KHDRBS2: variants seen among roughly 807,000 people sequenced by gnomAD.
KHDRBS2 encodes KH domain-containing, RNA-binding, signal transduction-associated protein 2.
KHDRBS2 carries 26 observed loss-of-function variants against 44.3 expected under a neutral mutation model. The observed-to-expected ratio is 0.59, with a 90% CI of 0.43 to 0.81. KHDRBS2 has a LOEUF of 0.81. KHDRBS2 is among the 40% of genes least tolerant of loss of function. KHDRBS2 has a pLI of 0.00. For synonymous variants in KHDRBS2, 194 were observed against 151.1 expected (o/e 1.28, Z -2.08); for missense variants, 476 against 433.1 (o/e 1.10, Z -0.88).
the KHDRBS2 span, among the ~76,000 whole-genome samples, chr6:61,669,937 T>C: frequency 6.6e-6 from 1 of 150,892 alleles, no homozygotes; most frequent in Admixed American, 6.6e-5. Context: ...TTCTGAAAAT[T>C]GAAATTGCAT....
chr6:62,169,203 A>ACATATG (rs1819475350), intron 2 of KHDRBS2, among the ~76,000 whole-genome samples: 1 of 109,176 alleles, frequency 9.2e-6, no homozygotes, highest in African/African-American at 4.0e-5. Context: ...ACATATATGT[A>ACATATG]TATATATGTA....
At chr6:61,647,437 T>C in the KHDRBS2 span, among the ~76,000 whole-genome samples, 1 of 152,162 alleles carries the variant, frequency 6.6e-6, no homozygotes. Context: ...TAATTATCTA[T>C]AATTGTAGAT....
Position 61,890,666 on chromosome 6 carries a change from A to C in KHDRBS2, c.810+3969T>G, listed in dbSNP as rs528079649. 2.6e-5 allele frequency among the ~76,000 whole-genome samples: 4 copies of C among 152,338 alleles called. No individual in the cohort carries two copies. In the South Asian group the frequency reaches 8.3e-4, roughly 32 times the overall value. ...AGATTGTTGAGCTACACAGTTCCCCAAAGATAAAAAGTGATCCTACCACCC... is the reference window on the plus strand; with the variant it reads ...AGATTGTTGAGCTACACAGTTCCCCCAAGATAAAAAGTGATCCTACCACCC... On this transcript the variant is annotated intron_variant, in intron 6 of 8. Transcript: ENST00000281156.
chr6:61,562,921 G>T, the KHDRBS2 span, among the ~76,000 whole-genome samples: 1 of 152,062 alleles, frequency 6.6e-6, no homozygotes, highest in Admixed American at 6.6e-5. Context: ...TATATAATGC[G>T]TTATATCTGT....
At chr6:61,821,358 A>G (rs368925905) in intron 6 of KHDRBS2, among the ~76,000 whole-genome samples, 2 of 151,982 alleles carry the variant, frequency 1.3e-5, no homozygotes, top group South Asian at 2.1e-4. Context: ...TAATTTTTAT[A>G]TTTGCTAAAA....
At chr6:61,848,017 G>T (rs1344287951) in intron 6 of KHDRBS2, among the ~76,000 whole-genome samples, 4 of 151,732 alleles carry the variant, frequency 2.6e-5, no homozygotes, top group Non-Finnish European at 4.4e-5. Flanking sequence ...CTTCTACTTG[G>T]GTTACTGACT....
At chr6:62,056,633 A>C (rs1208715333) in intron 2 of KHDRBS2, among the ~76,000 whole-genome samples, 2 of 151,992 alleles carry the variant, frequency 1.3e-5, no homozygotes, top group Non-Finnish European at 2.9e-5. Context: ...AACTTTTAAA[A>C]ATTAAGAACA....
At chr6:61,593,354 T>G in the KHDRBS2 span, among the ~76,000 whole-genome samples, 1 of 152,032 alleles carries the variant, frequency 6.6e-6, no homozygotes, top group Non-Finnish European at 1.5e-5. Context: ...ATCTGGAGAG[T>G]CACAGCCAGA....
chr6:61,678,144 G>T (rs1357868524), downstream of KHDRBS2, among the ~76,000 whole-genome samples: 1 of 151,834 alleles, frequency 6.6e-6, no homozygotes. Context: ...AGTAAAAACA[G>T]AACTAGACAC....
intron 4 of KHDRBS2, among the ~76,000 whole-genome samples, chr6:61,909,311 C>A (rs773829327): frequency 2.6e-5 from 4 of 152,038 alleles, no homozygotes; most frequent in Admixed American, 2.0e-4. Context: ...TCAAGTGATC[C>A]GCCCGTCTCA....
chr6:61,630,355 A>T, the KHDRBS2 span: 2 of 97,494 alleles, frequency 2.1e-5, no homozygotes, highest in African/African-American at 7.9e-5. Context: ...TTGTAGGTAG[A>T]GCAAAAGCAA....
intron 2 of KHDRBS2, among the ~76,000 whole-genome samples, chr6:62,053,345 C>T (rs1789506509): frequency 1.3e-5 from 2 of 151,038 alleles, no homozygotes; most frequent in South Asian, 2.1e-4. Flanking sequence ...AGACCAAAGC[C>T]ACTCATAAAA....
At chr6:61,924,494 C>T (rs1354833392) in intron 4 of KHDRBS2, among the ~76,000 whole-genome samples, 6 of 132,234 alleles carry the variant, frequency 4.5e-5, no homozygotes, top group Non-Finnish European at 1.1e-4. Context: ...ATTTTAGTTA[C>T]TTCTTTTTAT....
chr6:61,787,179 A>G (rs1783945616), intron 6 of KHDRBS2, among the ~76,000 whole-genome samples: 1 of 86,008 alleles, frequency 1.2e-5, no homozygotes, highest in Non-Finnish European at 2.2e-5. Context: ...CTCTTTTATT[A>G]GATACTTTGT....
chr6:61,641,490 C>T, the KHDRBS2 span, among the ~76,000 whole-genome samples: 1 of 152,152 alleles, frequency 6.6e-6, no homozygotes, highest in Admixed American at 6.6e-5. Context: ...TAAAGCATCT[C>T]TTTTTAAACA....
At chr6:62,001,701 CG>C (rs1400688876) in intron 3 of KHDRBS2, among the ~76,000 whole-genome samples, 1 of 152,012 alleles carries the variant, frequency 6.6e-6, no homozygotes, top group Non-Finnish European at 1.5e-5. Flanking sequence ...TATGAACAGA[CG>C]AATTTGGTCT....
At chr6:61,668,833 G>A in the KHDRBS2 span, among the ~76,000 whole-genome samples, 1 of 150,526 alleles carries the variant, frequency 6.6e-6, no homozygotes, top group Non-Finnish European at 1.5e-5. Flanking sequence ...TTTAGTAGTG[G>A]GTATCATCAG....
the KHDRBS2 span, among the ~76,000 whole-genome samples, chr6:61,549,871 T>G: frequency 3.9e-5 from 6 of 152,184 alleles, no homozygotes; most frequent in Non-Finnish European, 7.3e-5. Context: ...TTAGGTTATA[T>G]TCTAGGTTAA....
At chr6:61,726,575 C>T (rs1366463491) in intron 7 of KHDRBS2, among the ~76,000 whole-genome samples, 2 of 152,112 alleles carry the variant, frequency 1.3e-5, no homozygotes, top group African/African-American at 4.8e-5. Flanking sequence ...TCAGCAAAGC[C>T]TCAGGATACA....
Sources: allele counts gnomAD v4.1 joint callset (sites outside exome capture counted in the v4.1 genomes callset), GRCh38; gene constraint gnomAD v4.1.1; transcripts MANE v1.5; gene names NCBI Gene and HGNC (gene_info 2026-07-23, HGNC 2026-07-21).